The following LAMA2 variants were observed in gnomAD, a reference collection of about 807,000 sequenced individuals.
LAMA2 encodes laminin subunit alpha-2.
A neutral mutation model predicts 364.8 loss-of-function variants in LAMA2; 269 were observed. That is an observed-to-expected ratio of 0.74 (90% confidence interval 0.67 to 0.82). LAMA2 has a LOEUF of 0.82. Ranked by LOEUF, LAMA2 falls within the 40% of genes least tolerant of loss-of-function variation. The pLI is 0.00. For synonymous variants in LAMA2, 1,379 were observed against 1,370.6 expected (o/e 1.01, Z -0.14); for missense variants, 3,807 against 3,873.2 (o/e 0.98, Z 0.45).
intron 1 of LAMA2, among the ~76,000 whole-genome samples, chr6:128,955,732 G>C (rs1478018643): frequency 6.6e-6 from 1 of 151,820 alleles, no homozygotes; most frequent in Non-Finnish European, 1.5e-5. Context: ...CTCTTTTCTA[G>C]TAGTGTCAAA....
intron 10 of LAMA2, among the ~76,000 whole-genome samples, chr6:129,189,336 G>A (rs1218649236): frequency 1.3e-5 from 2 of 151,982 alleles, no homozygotes; most frequent in Non-Finnish European, 2.9e-5. Context: ...TCTGTTTCCT[G>A]GAAAGCAGGA....
chr6:129,144,060 G>C lies in LAMA2; in HGVS notation c.799G>C (p.Asp267His). 1.2e-6 allele frequency: 2 copies of C among 1,612,206 alleles called. No homozygotes were observed. Among genetic ancestry groups the C allele is most frequent in the Non-Finnish European group, 1.7e-6 (2 of 1,178,758 alleles). ...MFAHKDPREI[D>H]PIVTRRYYYS... ...TGCTCACAAAGACCCAAGAGAAATT[G>C]ACCCCATTGTCACCAGAAGAGTAAG... The change falls in exon 5 of 65, where the codon GAC becomes CAC. Residue 267 changes from aspartate to histidine, a missense_variant. By Grantham distance (81) the Asp-to-His change is moderately conservative. This residue lies in a region of LAMA2 where 394 missense variants were observed against 403.5 expected (regional missense o/e 0.98). Coordinates refer to ENST00000421865, the MANE Select transcript of LAMA2 (RefSeq NM_000426.4).
chr6:129,280,137 C>T lies in LAMA2; in HGVS notation c.2527C>T (p.Arg843Cys), dbSNP rs769493998. Reference sequence around the variant, plus strand: ...ATGCCCTGTCGGGTACACAGGACCACGCTGTGAGAGGTAAGAGTATACTAC... The same window carrying T: ...ATGCCCTGTCGGGTACACAGGACCATGCTGTGAGAGGTAAGAGTATACTAC... ...DGCPVGYTGP[R>C]CERCAEGYFG... Residue 843 changes from arginine to cysteine, a missense_variant, in exon 18 of 65, where the codon CGC (arginine) becomes TGC (cysteine). Arg to Cys is a radical substitution (Grantham distance 180). Transcript: ENST00000421865. 82 of 1,605,038 alleles carry T rather than the reference C, an allele frequency of 5.1e-5. No individual in the cohort carries two copies. Among genetic ancestry groups the T allele is most frequent in the Middle Eastern group, 1.6e-4 (1 of 6,064 alleles).
intron 51 of LAMA2, among the ~76,000 whole-genome samples, chr6:129,470,693 C>T (rs1008825433): frequency 6.6e-6 from 1 of 151,878 alleles, no homozygotes; most frequent in South Asian, 2.1e-4. Context: ...TGGGTATAGG[C>T]AGGTCCCTGA....
chr6:129,059,742 A>T, intron 2 of LAMA2, 42 bp from the exon 3 acceptor site: 2 of 1,225,086 alleles, frequency 1.6e-6, no homozygotes, highest in African/African-American at 1.5e-5. Flanking sequence ...TAGTTATATG[A>T]TCTTTTCTTC....
chr6:129,004,326 C>T (rs1453122494), intron 1 of LAMA2, among the ~76,000 whole-genome samples: 1 of 54,874 alleles, frequency 1.8e-5, no homozygotes, highest in South Asian at 5.9e-4. Context: ...GTGGGTGCAG[C>T]GCACCAGCAT....
chr6:129,157,496 A>G lies in LAMA2; in HGVS notation c.1206+2813A>G, dbSNP rs1033230084. 11 of 1,610,916 alleles carry G rather than the reference A, an allele frequency of 6.8e-6. No homozygotes were observed. The African/African-American group carries it at 1.2e-4, about 18-fold the overall frequency. On this transcript the variant is annotated intron_variant, in intron 8 of 64. Transcript: ENST00000421865. ...TGGGTAAAAACAGTTCTTGCAGTCT[A>G]GAGTTTCTCCTCCGATGGTTTAACC...
chr6:129,352,483 A>G (rs1457418873), intron 31 of LAMA2, among the ~76,000 whole-genome samples: 2 of 152,246 alleles, frequency 1.3e-5, no homozygotes, highest in African/African-American at 4.8e-5. Flanking sequence ...AGAAAAGATG[A>G]ATAAAAGTAA....
chr6:129,299,453 T>C (rs1364463245), intron 21 of LAMA2, among the ~76,000 whole-genome samples: 1 of 152,184 alleles, frequency 6.6e-6, no homozygotes, highest in African/African-American at 2.4e-5. Context: ...TTATTAATTG[T>C]GTTATACATT....
chr6:129,451,444 G>A (rs1027682064), intron 45 of LAMA2, among the ~76,000 whole-genome samples: 1 of 152,142 alleles, frequency 6.6e-6, no homozygotes, highest in Non-Finnish European at 1.5e-5. Flanking sequence ...GGTTTAAGCA[G>A]TAGGCTTCCT....
Position 129,267,158 on chromosome 6 carries a change from G to C in LAMA2, c.2261G>C (p.Cys754Ser), listed in dbSNP as rs1787580495. The C allele has an allele frequency of 2.5e-6, 4 of 1,613,446 alleles. No individual in the cohort carries two copies. The highest frequency in any genetic ancestry group is 2.5e-6 in the Non-Finnish European group (3 of 1,179,514). Residue 754 changes from cysteine (C) to serine (S), a missense_variant, in exon 16 of 65, where the codon TGT (cysteine) becomes TCT (serine). Cys to Ser is a moderately radical substitution (Grantham distance 112, BLOSUM62 -1). Around this residue, in one of 3 missense-constraint regions of LAMA2, gnomAD observed 3,333 missense variants for 3,345.7 expected, o/e 1.00. Transcript: ENST00000421865. ...RVNGTIFGGI[C>S]EPCQCFGHAE... ...AACGGCACTATTTTTGGTGGCATCT[G>C]TGAGCCATGTCAGTGCTTTGGTCAT...
intron 41 of LAMA2, among the ~76,000 whole-genome samples, chr6:129,430,830 G>A (rs7745957): frequency 0.45 from 67,883 of 151,814 alleles, 15,336 homozygotes; most frequent in African/African-American, 0.49. Context: ...GTGACAGAGT[G>A]AGAGCCTGTC....
intron 1 of LAMA2, among the ~76,000 whole-genome samples, chr6:128,897,279 T>G (rs1776830511): frequency 6.6e-6 from 1 of 151,984 alleles, no homozygotes; most frequent in Non-Finnish European, 1.5e-5. Flanking sequence ...AAACAATATT[T>G]GCCATTTAGA....
intron 40 of LAMA2, among the ~76,000 whole-genome samples, chr6:129,413,327 T>C (rs1047544682): frequency 5.9e-5 from 9 of 151,966 alleles, no homozygotes; most frequent in Admixed American, 5.9e-4. Flanking sequence ...AATGAGAACA[T>C]TTTCATATAT....
At chr6:129,053,502 A>G (rs934354878) in intron 2 of LAMA2, among the ~76,000 whole-genome samples, 1 of 151,612 alleles carries the variant, frequency 6.6e-6, no homozygotes, top group Non-Finnish European at 1.5e-5. Context: ...CTTTGCTTTT[A>G]TGTAAAAGCC....
chr6:129,244,860 G>A (rs1432166216), intron 12 of LAMA2, among the ~76,000 whole-genome samples: 7 of 152,130 alleles, frequency 4.6e-5, no homozygotes, highest in Admixed American at 2.0e-4. Context: ...TTAATGCAAT[G>A]TGCACCATGC....
At position 129,178,001 on chromosome 6, in the gene LAMA2, A is replaced by ACCCTATAAATGTCTTTAAATG. The variant is rs369157208; in HGVS notation, c.1467+138_1467+139insTATAAATGTCTTTAAATGCCC. 4,438 of 911,672 alleles carry ACCCTATAAATGTCTTTAAATG rather than the reference A, an allele frequency of 4.9e-3. 151 individuals carry two copies. The African/African-American group carries it at 0.064, about 13-fold the overall frequency. 56.5% of individuals were successfully genotyped at this position (911,672 alleles called of 1,614,324 possible). On this transcript the variant is annotated intron_variant, in intron 10 of 64. Coordinates refer to ENST00000421865, the MANE Select transcript of LAMA2 (RefSeq NM_000426.4). The stretch of plus-strand genomic sequence containing the variant: ...TCCATAATCTATTCTACGTGTGGTG[A>ACCCTATAAATGTCTTTAAATG]CCCACCAGGTTCACTGTAGCAGGAT...
chr6:129,340,009 AAAAAGAAAGAAAG>A (rs1370447723), intron 29 of LAMA2, among the ~76,000 whole-genome samples: 3 of 151,986 alleles, frequency 2.0e-5, no homozygotes, highest in Admixed American at 6.5e-5. Context: ...CAAAAAAAAA[AAAAAGAAAGAAAG>A]AAAAAGAAAG....
intron 8 of LAMA2, among the ~76,000 whole-genome samples, chr6:129,160,489 C>T (rs1442788244): frequency 6.6e-6 from 1 of 151,872 alleles, no homozygotes; most frequent in African/African-American, 2.4e-5. Flanking sequence ...TTTTATTGAT[C>T]ACTTATGTTA....
Sources: gnomAD v4.1 joint callset for allele counts (sites outside exome capture counted in the v4.1 genomes callset) on GRCh38, gnomAD v4.1.1 for gene constraint, gnomAD v4.1.1 regional missense constraint, MANE v1.5 for transcripts, NCBI Gene and HGNC (gene_info 2026-07-23, HGNC 2026-07-21) for gene names.